The following ANAPC1 variants were observed in gnomAD, a reference collection of about 807,000 sequenced individuals.
ANAPC1 encodes anaphase-promoting complex subunit 1.
ANAPC1 carries 36 observed loss-of-function variants against 208.0 expected under a neutral mutation model. The ratio of observed to expected loss-of-function variants is 0.17; its 90% CI spans 0.13 to 0.23. The LOEUF (loss-of-function observed/expected upper bound fraction) is 0.23. Ranked by LOEUF, ANAPC1 falls within the 10% of genes least tolerant of loss-of-function variation. The pLI is 1.00. For missense variants in ANAPC1, 942 were observed against 2,011.6 expected (o/e 0.47, Z 10.17); for synonymous variants, 378 against 695.2 (o/e 0.54, Z 7.18).
chr2:111,782,120 C>T (rs1391270808), intron 43 of ANAPC1, among the ~76,000 whole-genome samples: 2 of 151,364 alleles, frequency 1.3e-5, no homozygotes, highest in Non-Finnish European at 2.9e-5. Flanking sequence ...GTCCTTGCTG[C>T]TAAATGTAAA....
intron 3 of ANAPC1, among the ~76,000 whole-genome samples, chr2:111,877,394 T>G (rs1479569668): frequency 6.6e-6 from 1 of 152,190 alleles, no homozygotes; most frequent in Non-Finnish European, 1.5e-5. Flanking sequence ...AACCAGAATG[T>G]AGACTATAAA....
chr2:111,840,679 C>T (rs1048548819), intron 17 of ANAPC1, among the ~76,000 whole-genome samples: 2 of 152,140 alleles, frequency 1.3e-5, no homozygotes, highest in Non-Finnish European at 2.9e-5. Flanking sequence ...TTCTATGAGG[C>T]TTAATCTTTT....
chr2:111,865,616 G>T (rs1353318930), intron 7 of ANAPC1, among the ~76,000 whole-genome samples: 1 of 152,032 alleles, frequency 6.6e-6, no homozygotes, highest in Non-Finnish European at 1.5e-5. Context: ...TAATACATTA[G>T]AGAATTTTTG....
chr2:111,775,223 G>A (rs1277063178), intron 46 of ANAPC1, among the ~76,000 whole-genome samples: 7 of 152,160 alleles, frequency 4.6e-5, no homozygotes, highest in Non-Finnish European at 1.0e-4. Flanking sequence ...CTGAGATCGC[G>A]CCACTGCACT....
chr2:111,772,660 T>A (rs1207141732), intron 46 of ANAPC1, among the ~76,000 whole-genome samples, 185 bp from the exon 47 acceptor site: 1 of 150,462 alleles, frequency 6.6e-6, no homozygotes. Context: ...GAGTTTAGAG[T>A]GTTGTTGGGG....
In ANAPC1 at chr2:111,791,465, T is replaced by C. The variant is rs1677870871; in HGVS notation, c.4712+897A>G. On this transcript the variant is annotated intron_variant, in intron 38 of 47. Coordinates refer to ENST00000341068, the MANE Select transcript of ANAPC1 (RefSeq NM_022662.4). Reference sequence around the variant, plus strand: ...ACAAAATCGAAGACATGTACAACTTTCCCTAACAGCACTGTTCATAACAGC... The same window carrying C: ...ACAAAATCGAAGACATGTACAACTTCCCCTAACAGCACTGTTCATAACAGC... Among the ~76,000 whole-genome samples the C allele has an allele frequency of 2.0e-5, 3 of 151,178 alleles. No individual in the cohort carries two copies. The South Asian group carries it at 6.4e-4, about 32-fold the overall frequency.
At chr2:111,882,722 A>T (rs1390159075) in intron 1 of ANAPC1, among the ~76,000 whole-genome samples, 1 of 150,970 alleles carries the variant, frequency 6.6e-6, no homozygotes, top group Non-Finnish European at 1.5e-5. Flanking sequence ...GGGGGACAAG[A>T]GCAAAACTCC....
chr2:111,867,288 CTT>C (rs1224710866), intron 7 of ANAPC1, among the ~76,000 whole-genome samples: 1 of 151,210 alleles, frequency 6.6e-6, no homozygotes, highest in African/African-American at 2.4e-5. Context: ...AAAACTCTGT[CTT>C]AAAAAAGAAA....
chr2:111,877,341 A>G (rs748880947), intron 3 of ANAPC1, among the ~76,000 whole-genome samples: 13 of 152,108 alleles, frequency 8.5e-5, no homozygotes, highest in Non-Finnish European at 1.6e-4. Context: ...TCAATGTAGA[A>G]CAGTCCCCAC....
At chr2:111,856,281 A>C (rs963260423) in intron 13 of ANAPC1, 1 of 215,636 alleles carries the variant, frequency 4.6e-6, no homozygotes, top group Non-Finnish European at 9.3e-6. Flanking sequence ...GTGAAACTTT[A>C]CCAAAACTTT....
rs1204344624 is a variant in ANAPC1 at position 111,787,752 on chromosome 2, G to A, written c.4799+482C>T. On this transcript the variant is annotated intron_variant, in intron 39 of 47. Coordinates refer to ENST00000341068, the MANE Select transcript of ANAPC1 (RefSeq NM_022662.4). ...TCACTGCCACTTCTAAATTGTCTCT[G>A]GTTTTTTGCTGTATTTTGCTTTTCT... Among the ~76,000 whole-genome samples, 7 of 149,998 alleles carry A rather than the reference G, an allele frequency of 4.7e-5. No homozygotes were observed. The East Asian group carries it at 1.4e-3, about 29-fold the overall frequency.
intron 47 of ANAPC1, among the ~76,000 whole-genome samples, chr2:111,770,906 G>A (rs1676700918): frequency 6.6e-6 from 1 of 151,598 alleles, no homozygotes; most frequent in Admixed American, 6.6e-5. Flanking sequence ...TCTATTATCT[G>A]TTTTTTTATT....
intron 25 of ANAPC1, among the ~76,000 whole-genome samples, chr2:111,822,043 A>G (rs888747058): frequency 1.3e-5 from 2 of 152,160 alleles, no homozygotes; most frequent in Non-Finnish European, 2.9e-5. Flanking sequence ...ATATTTATAT[A>G]TAATTACTCA....
At chr2:111,883,679 G>A (rs2037198) in intron 1 of ANAPC1, among the ~76,000 whole-genome samples, 151,700 of 152,288 alleles carry the variant, frequency 1, 75,560 homozygotes, top group Middle Eastern at 1. Context: ...AGGCCAGTCT[G>A]AAAGCTGAGG....
At chr2:111,767,302 T>C (rs529444006), downstream of ANAPC1, among the ~76,000 whole-genome samples, 19 of 151,750 alleles carry the variant, frequency 1.3e-4, no homozygotes, top group South Asian at 3.1e-3. Flanking sequence ...GCCAAAACAC[T>C]TAACAGCCAA....
At position 111,873,063 on chromosome 2, in the gene ANAPC1, G is replaced by C. The variant is rs4848827; in HGVS notation, c.528+245C>G. ...TATTTAATATAACCAAAAGTTCTTA[G>C]GTATCATTTAAACCAACAAACACAT... On this transcript the variant is annotated intron_variant, in intron 5 of 47. Transcript: ENST00000341068. The C allele has an allele frequency of 0.62, 285,262 of 459,210 alleles. 89,999 individuals carry two copies. Among genetic ancestry groups the C allele is most frequent in the South Asian group, 0.69 (18,586 of 26,758 alleles). 28.4% of individuals were successfully genotyped at this position (459,210 alleles called of 1,614,324 possible). A position where few individuals can be genotyped will look rare whatever the true frequency, so the allele number is the denominator to read the frequency against.
intron 26 of ANAPC1, 178 bp from the exon 27 acceptor site, chr2:111,819,136 G>A (rs1429852299): frequency 1.1e-6 from 1 of 908,224 alleles, no homozygotes; most frequent in Non-Finnish European, 1.3e-6. Context: ...TAATATTCTT[G>A]TTCCTATTAC....
chr2:111,833,721 C>T (rs1680314925), intron 19 of ANAPC1, among the ~76,000 whole-genome samples: 1 of 103,872 alleles, frequency 9.6e-6, no homozygotes, highest in Non-Finnish European at 2.1e-5. Flanking sequence ...ACATCATACA[C>T]ATTACTTTTT....
chr2:111,772,598 T>C (rs1173297871), intron 46 of ANAPC1, 123 bp from the exon 47 acceptor site: 2 of 511,888 alleles, frequency 3.9e-6, no homozygotes, highest in South Asian at 4.6e-5. Flanking sequence ...GCAGGTTCTA[T>C]AGCCGGTATT....
Sources: gnomAD v4.1 joint callset for allele counts (sites outside exome capture counted in the v4.1 genomes callset) on GRCh38, gnomAD v4.1.1 for gene constraint, MANE v1.5 for transcripts, NCBI Gene and HGNC (gene_info 2026-07-23, HGNC 2026-07-21) for gene names.